Variants in AOPEP observed in about 807,000 individuals in gnomAD.
AOPEP encodes the protein aminopeptidase O (putative), also known as aminopeptidase O.
In AOPEP, 77 loss-of-function variants were observed where a neutral mutation model predicts 98.1. That is an observed-to-expected ratio of 0.78 (90% CI 0.65 to 0.95). AOPEP has a LOEUF of 0.95. AOPEP is among the 40% of genes least tolerant of loss of function. AOPEP has a pLI of 0.00. For synonymous variants in AOPEP, 346 were observed against 365.3 expected (o/e 0.95, Z 0.60); for missense variants, 1,024 against 1,024.7 (o/e 1.00, Z 0.01).
the AOPEP span, among the ~76,000 whole-genome samples, chr9:95,123,060 G>A: frequency 2.0e-5 from 3 of 152,186 alleles, no homozygotes; most frequent in South Asian, 6.2e-4. Flanking sequence ...CAAGCACCTT[G>A]GGAGGGCAAG....
chr9:94,808,833 C>A (rs1214283254), intron 5 of AOPEP, among the ~76,000 whole-genome samples: 2 of 152,232 alleles, frequency 1.3e-5, no homozygotes, highest in Non-Finnish European at 2.9e-5. Flanking sequence ...TCCTTGGAGC[C>A]CACCTTGCTA....
At chr9:95,106,413 TTG>T in the AOPEP span, among the ~76,000 whole-genome samples, 20 of 152,268 alleles carry the variant, frequency 1.3e-4, no homozygotes, top group Non-Finnish European at 2.4e-4. Context: ...ATTCTGTGAA[TTG>T]TGTTTTCACT....
At chr9:94,820,517 A>G (rs1475730780) in intron 5 of AOPEP, among the ~76,000 whole-genome samples, 1 of 152,186 alleles carries the variant, frequency 6.6e-6, no homozygotes, top group African/African-American at 2.4e-5. Flanking sequence ...ATTTAGCTGC[A>G]TAGTATTCTA....
chr9:95,005,293 C>G, intron 12 of AOPEP, 73 bp downstream of exon 12: 1 of 836,780 alleles, frequency 1.2e-6, no homozygotes, highest in Non-Finnish European at 1.5e-6. Flanking sequence ...GAGGCCCTGG[C>G]TCTGCGCTGC....
the AOPEP span, among the ~76,000 whole-genome samples, chr9:95,128,250 G>A: frequency 1.3e-5 from 2 of 152,166 alleles, no homozygotes; most frequent in East Asian, 1.9e-4. Context: ...AAAAGCAACC[G>A]TATGTCTTGA....
At chr9:95,005,728 A>G in intron 13 of AOPEP, 112 bp downstream of exon 13, 1 of 808,382 alleles carries the variant, frequency 1.2e-6, no homozygotes, top group Non-Finnish European at 2.1e-6. Flanking sequence ...TTTTTGTTAT[A>G]ATAAACCATA....
At chr9:94,778,744 A>G (rs1842695366) in intron 3 of AOPEP, among the ~76,000 whole-genome samples, 1 of 152,156 alleles carries the variant, frequency 6.6e-6, no homozygotes, top group East Asian at 1.9e-4. Flanking sequence ...GTACACATTT[A>G]TGGCCAGGCG....
intron 11 of AOPEP, among the ~76,000 whole-genome samples, chr9:95,001,386 T>G (rs899542651): frequency 6.6e-6 from 1 of 152,246 alleles, no homozygotes; most frequent in African/African-American, 2.4e-5. Flanking sequence ...GGATGAGGCA[T>G]TTTTAAAGAT....
chr9:95,022,352 A>G (rs1286333650), intron 13 of AOPEP: 2 of 152,022 alleles, frequency 1.3e-5, no homozygotes, highest in Non-Finnish European at 2.9e-5. Flanking sequence ...TCCTTATATT[A>G]TTATTTTTGA....
chr9:95,053,367 AC>A (rs2066550188), intron 13 of AOPEP, among the ~76,000 whole-genome samples: 1 of 152,164 alleles, frequency 6.6e-6, no homozygotes, highest in East Asian at 1.9e-4. Flanking sequence ...TTTATTCTGA[AC>A]CTTTTTTCTA....
chr9:94,753,063 C>T (rs1488072900), intron 1 of AOPEP, among the ~76,000 whole-genome samples: 1 of 152,152 alleles, frequency 6.6e-6, no homozygotes, highest in East Asian at 1.9e-4. Context: ...AGTCCATCCT[C>T]CAACTGAGTA....
At chr9:95,111,302 G>T in the AOPEP span, 56 of 1,585,544 alleles carry the variant, frequency 3.5e-5, no homozygotes, top group Non-Finnish European at 4.6e-5. Context: ...CTGACCACAA[G>T]GCTGGAGATC....
At chr9:94,859,430 T>G (rs962182184) in intron 5 of AOPEP, among the ~76,000 whole-genome samples, 32 of 152,206 alleles carry the variant, frequency 2.1e-4, no homozygotes, top group Non-Finnish European at 3.7e-4. Flanking sequence ...AGGACATGTG[T>G]GATTGCATTT....
the AOPEP span, chr9:95,150,178 C>G: frequency 5.2e-6 from 7 of 1,353,192 alleles, no homozygotes; most frequent in Non-Finnish European, 7.3e-6. Flanking sequence ...AGGTCAAAGA[C>G]AGATCACCTG....
At chr9:95,074,030 G>GC (rs920155600) in intron 14 of AOPEP, among the ~76,000 whole-genome samples, 3 of 152,146 alleles carry the variant, frequency 2.0e-5, no homozygotes, top group African/African-American at 7.2e-5. Flanking sequence ...CCATCACTCT[G>GC]CCCCGCACCA....
chr9:95,117,027 G>A, the AOPEP span, among the ~76,000 whole-genome samples: 4 of 152,216 alleles, frequency 2.6e-5, no homozygotes, highest in African/African-American at 7.2e-5. Context: ...GGATCTGGTT[G>A]GCACCAGAAG....
At chr9:94,874,747 G>GC (rs1173324479) in intron 5 of AOPEP, among the ~76,000 whole-genome samples, 1 of 152,100 alleles carries the variant, frequency 6.6e-6, no homozygotes, top group African/African-American at 2.4e-5. Context: ...AATAACACAT[G>GC]CTACGACTCA....
At chr9:95,110,914 G>A in the AOPEP span, 2 of 1,309,370 alleles carry the variant, frequency 1.5e-6, no homozygotes. Flanking sequence ...TGTTATTTAG[G>A]AAATGACCAA....
the AOPEP span, chr9:95,107,190 A>G: frequency 6.2e-7 from 1 of 1,614,176 alleles, no homozygotes; most frequent in South Asian, 1.1e-5. Context: ...CTGTCCTGCT[A>G]CCGTCTGCAG....
Sources: allele counts gnomAD v4.1 joint callset (sites outside exome capture counted in the v4.1 genomes callset), GRCh38; gene constraint gnomAD v4.1.1; transcripts MANE v1.5; gene names NCBI Gene and HGNC (gene_info 2026-07-23, HGNC 2026-07-21).